The following DSG1 variants were observed in gnomAD, a reference collection of about 807,000 sequenced individuals.
The protein encoded by DSG1 is desmoglein-1.
A neutral mutation model predicts 97.5 loss-of-function variants in DSG1; 39 were observed. The observed-to-expected ratio is 0.40, with a 90% confidence interval of 0.31 to 0.52. The LOEUF (loss-of-function observed/expected upper bound fraction) is 0.52. Among genes scored for constraint, DSG1 ranks in the 20% least tolerant of loss-of-function variants. The pLI is 0.53. For synonymous variants in DSG1, 475 were observed against 443.4 expected (o/e 1.07, Z -0.90); for missense variants, 1,311 against 1,295.4 (o/e 1.01, Z -0.18).
At position 31,358,401 on chromosome 18, in the gene DSG1, G is replaced by A. The variant is rs2071976426; in HGVS notation, c.*3055G>A. 6.6e-6 allele frequency among the ~76,000 whole-genome samples: 1 copy of A among 151,592 alleles called. No individual in the cohort carries two copies. Among genetic ancestry groups the A allele is most frequent in the South Asian group, 2.1e-4 (1 of 4,804 alleles). On this transcript the variant is annotated 3_prime_UTR_variant, in exon 15 of 15. Coordinates refer to ENST00000257192, the MANE Select transcript of DSG1 (RefSeq NM_001942.4). ...ATTAAAAGAAAAAGTACATATTTAG[G>A]GTTATTTATATATCTTCATCTAGAC...
chr18:31,353,528 C>T (rs1343827027), intron 14 of DSG1, among the ~76,000 whole-genome samples: 1 of 152,152 alleles, frequency 6.6e-6, no homozygotes, highest in Non-Finnish European at 1.5e-5. Context: ...GCTTTGTTTA[C>T]CTAATCAAGC....
chr18:31,346,832 G>A (rs922185), intron 14 of DSG1, among the ~76,000 whole-genome samples: 119,981 of 152,124 alleles, frequency 0.79, 47,667 homozygotes, highest in East Asian at 0.99. Context: ...TATTCTCTAC[G>A]TTGTATTGCC....
At chr18:31,349,364 T>G (rs1023221473) in intron 14 of DSG1, among the ~76,000 whole-genome samples, 16 of 149,854 alleles carry the variant, frequency 1.1e-4, no homozygotes, top group Non-Finnish European at 7.4e-5. Context: ...TTTTGGTTAC[T>G]GTAGCCTTAT....
At chr18:31,338,971 GT>G (rs1305771527) in intron 10 of DSG1, among the ~76,000 whole-genome samples, 1 of 152,032 alleles carries the variant, frequency 6.6e-6, no homozygotes, top group African/African-American at 2.4e-5. Context: ...AGATTCTAGG[GT>G]TACATCGATT....
rs970579565 is a variant in DSG1 at position 31,355,762 on chromosome 18, A to G, written c.*416A>G. ...GGGAAAAATCTAAAATGTGTGCCAG[A>G]TGCCCTGTTGGTTTCACAGATAACA... On this transcript the variant is annotated 3_prime_UTR_variant, in exon 15 of 15. Coordinates refer to ENST00000257192, the MANE Select transcript of DSG1 (RefSeq NM_001942.4). 2 of 184,254 alleles carry G rather than the reference A, an allele frequency of 1.1e-5. No individual in the cohort carries two copies. Among genetic ancestry groups the G allele is most frequent in the African/African-American group, 4.7e-5 (2 of 42,396 alleles). 11.4% of individuals were successfully genotyped at this position (184,254 alleles called of 1,614,324 possible). A position where few individuals can be genotyped will look rare whatever the true frequency, so the allele number is the denominator to read the frequency against.
In DSG1 at chr18:31,356,810, T is replaced by C. The variant is rs994228285; in HGVS notation, c.*1464T>C. On this transcript the variant is annotated 3_prime_UTR_variant, in exon 15 of 15. Transcript: ENST00000257192. The stretch of plus-strand genomic sequence containing the variant: ...ATAACATATTTTTCTAGTTTCAAAA[T>C]TTAGTAATGTCCTATTTATGATATA... The C allele has an allele frequency of 1.3e-5, 2 of 152,156 alleles. No individual in the cohort carries two copies. The highest frequency in any genetic ancestry group is 4.8e-5 in the African/African-American group (2 of 41,454). The allele number at this position is 152,156 out of a possible 1,614,324, so 9.4% of individuals were successfully genotyped here. A position where few individuals can be genotyped will look rare whatever the true frequency, so the allele number is the denominator to read the frequency against.
chr18:31,344,430 C>T (rs902644187), intron 13 of DSG1, among the ~76,000 whole-genome samples: 3 of 152,152 alleles, frequency 2.0e-5, no homozygotes, highest in Non-Finnish European at 2.9e-5. Context: ...AATCTTTATA[C>T]ACAATTAATT....
Position 31,354,810 on chromosome 18 carries a change from A to G in DSG1, c.2614A>G (p.Ile872Val), listed in dbSNP as rs1304072776. 1.2e-6 allele frequency: 2 copies of G among 1,614,096 alleles called. No individual in the cohort carries two copies. The highest frequency in any genetic ancestry group is 1.1e-5 in the South Asian group (1 of 91,078). ...VVVTERVVGPISGADLHGMLE... is the reference protein window; with the variant it reads ...VVVTERVVGPVSGADLHGMLE... Reference sequence around the variant, plus strand: ...AGTGACAGAGAGAGTGGTCGGCCCAATCTCTGGCGCTGATTTGCATGGAAT... The same window carrying G: ...AGTGACAGAGAGAGTGGTCGGCCCAGTCTCTGGCGCTGATTTGCATGGAAT... The change falls in exon 15 of 15, where the codon ATC (isoleucine) becomes GTC (valine). Residue 872 changes from isoleucine (I) to valine (V), a missense_variant. By Grantham distance (29) the Ile-to-Val change is conservative. This residue lies in a region of DSG1 where 1,038 missense variants were observed against 964.6 expected (regional missense o/e 1.08). Coordinates refer to ENST00000257192, the MANE Select transcript of DSG1 (RefSeq NM_001942.4).
intron 14 of DSG1, among the ~76,000 whole-genome samples, chr18:31,349,447 G>A (rs564298232): frequency 4.6e-5 from 7 of 151,230 alleles, no homozygotes; most frequent in East Asian, 1.9e-4. Context: ...GTGGCGATGC[G>A]GGCTCCTTTT....
At chr18:31,338,897 T>A (rs2144101435) in intron 10 of DSG1, among the ~76,000 whole-genome samples, 1 of 152,316 alleles carries the variant, frequency 6.6e-6, no homozygotes. Context: ...ACTTCCAGAA[T>A]GTTTTTATTC....
At chr18:31,327,056 T>C in intron 3 of DSG1, 51 bp downstream of exon 3, 1 of 1,608,814 alleles carries the variant, frequency 6.2e-7, no homozygotes, top group Non-Finnish European at 8.5e-7. Context: ...GGATAAAGTT[T>C]CAAAAGAAAC....
At chr18:31,319,593 G>A (rs1457145713) in intron 1 of DSG1, among the ~76,000 whole-genome samples, 1 of 152,060 alleles carries the variant, frequency 6.6e-6, no homozygotes. Flanking sequence ...TCATTATACA[G>A]TATGTCATTT....
intron 6 of DSG1, among the ~76,000 whole-genome samples, chr18:31,333,284 CTT>C (rs1482642838): frequency 6.6e-6 from 1 of 152,142 alleles, no homozygotes; most frequent in African/African-American, 2.4e-5. Flanking sequence ...TTTTGGTAAA[CTT>C]AATCTCTCTC....
In DSG1 at chr18:31,336,219, G is replaced by A. The variant is rs9963076; in HGVS notation, c.1006-135G>A. 77,881 of 713,202 alleles carry A rather than the reference G, an allele frequency of 0.11. 8,346 individuals carry two copies. Among genetic ancestry groups the A allele is most frequent in the African/African-American group, 0.44 (24,638 of 55,606 alleles). 44.2% of individuals were successfully genotyped at this position (713,202 alleles called of 1,614,324 possible). On this transcript the variant is annotated intron_variant, in intron 8 of 14. Transcript: ENST00000257192. The stretch of plus-strand genomic sequence containing the variant: ...AATTAAAGATTAAAAATTTAAGAAT[G>A]GATTGTGTATTTGTGTGCATTTGTG...
intron 10 of DSG1, 63 bp downstream of exon 10, chr18:31,338,517 A>C: frequency 1.9e-6 from 3 of 1,558,598 alleles, no homozygotes; most frequent in Non-Finnish European, 2.6e-6. Flanking sequence ...TAAGATATTA[A>C]CATTTTAACT....
chr18:31,351,079 C>A (rs202108804), intron 14 of DSG1, among the ~76,000 whole-genome samples: 73,903 of 147,202 alleles, frequency 0.5, 20,383 homozygotes, highest in East Asian at 0.77. Flanking sequence ...AATTTGGGAT[C>A]TTTCCTGCTT....
chr18:31,325,734 C>G (rs1457447874), intron 1 of DSG1, among the ~76,000 whole-genome samples: 1 of 151,982 alleles, frequency 6.6e-6, no homozygotes. Context: ...TTGTAGCATG[C>G]TTTTCTTAGT....
rs750087906 is a variant in DSG1, at chr18:31,340,075, G to A, written c.1687+50G>A. The A allele has an allele frequency of 1.1e-5, 18 of 1,565,562 alleles. No homozygotes were observed. In the African/African-American group the frequency reaches 2.0e-4, roughly 18 times the overall value. Reference sequence around the variant, plus strand: ...ATATGTGTCCCCCAAAAAATGCTGGGGGAGGAGTTAAGTTTTCTGATTCTT... The same window carrying A: ...ATATGTGTCCCCCAAAAAATGCTGGAGGAGGAGTTAAGTTTTCTGATTCTT... On this transcript the variant is annotated intron_variant, in intron 11 of 14. Coordinates refer to ENST00000257192, the MANE Select transcript of DSG1 (RefSeq NM_001942.4).
chr18:31,339,685 T>C, intron 10 of DSG1, 59 bp from the exon 11 acceptor site: 1 of 1,337,192 alleles, frequency 7.5e-7, no homozygotes, highest in Non-Finnish European at 1.1e-6. Context: ...TTCTGTGTTG[T>C]CCAACCATTC....
Sources: allele counts gnomAD v4.1 joint callset (sites outside exome capture counted in the v4.1 genomes callset), GRCh38; gene constraint gnomAD v4.1.1; regional missense constraint gnomAD v4.1.1; transcripts MANE v1.5; gene names NCBI Gene and HGNC (gene_info 2026-07-23, HGNC 2026-07-21).